KLF17: variants seen among roughly 807,000 people sequenced by gnomAD.
KLF17 encodes KLF transcription factor 17.
In KLF17, 31 loss-of-function variants were observed where a neutral mutation model predicts 34.2. The ratio of observed to expected loss-of-function variants is 0.91; its 90% CI spans 0.68 to 1.22. The LOEUF is 1.22. Ranked by LOEUF, KLF17 falls within the 50% of genes most tolerant of loss-of-function variation. The pLI is 0.00. For missense variants in KLF17, 478 were observed against 505.2 expected (o/e 0.95, Z 0.52); for synonymous variants, 179 against 186.7 (o/e 0.96, Z 0.34).
chr1:44,117,464 T>A (rs199923794), upstream of KLF17: 35 of 84,236 alleles, frequency 4.2e-4, no homozygotes, highest in Middle Eastern at 6.9e-3. Context: ...TATTTTATTT[T>A]ATTTATTTTA....
At chr1:44,066,389 CT>C in the KLF17 span, among the ~76,000 whole-genome samples, 1,784 of 128,040 alleles carry the variant, frequency 0.014, 13 homozygotes, top group Middle Eastern at 0.035. Context: ...TAATACTTTC[CT>C]TTTTTTTTTT....
the KLF17 span, among the ~76,000 whole-genome samples, chr1:44,097,781 G>A: frequency 6.6e-6 from 1 of 151,918 alleles, no homozygotes; most frequent in Non-Finnish European, 1.5e-5. Context: ...ATTGTGTTGA[G>A]GTATGTTCCT....
chr1:44,103,865 C>T, the KLF17 span: 3 of 786,412 alleles, frequency 3.8e-6, no homozygotes, highest in Non-Finnish European at 6.8e-6. Flanking sequence ...AGGTCTCAGT[C>T]TTTGTATGCT....
At chr1:44,096,608 G>A in the KLF17 span, among the ~76,000 whole-genome samples, 1 of 151,736 alleles carries the variant, frequency 6.6e-6, no homozygotes, top group Non-Finnish European at 1.5e-5. Flanking sequence ...CACCGTGTTA[G>A]CCAGGAATGT....
the KLF17 span, among the ~76,000 whole-genome samples, chr1:44,100,170 A>G: frequency 2.0e-5 from 3 of 150,660 alleles, no homozygotes; most frequent in Non-Finnish European, 4.4e-5. Flanking sequence ...CAGGAGGCTG[A>G]GGCAGGGAAC....
chr1:44,119,416 A>AC (rs1236372559), intron 1 of KLF17, among the ~76,000 whole-genome samples: 13 of 151,500 alleles, frequency 8.6e-5, no homozygotes, highest in Admixed American at 3.9e-4. Context: ...AAAAAAAAAA[A>AC]AACCCCAAAA....
intron 2 of KLF17, 68 bp downstream of exon 2, chr1:44,130,264 G>A: frequency 6.5e-7 from 1 of 1,540,938 alleles, no homozygotes; most frequent in Non-Finnish European, 8.7e-7. Flanking sequence ...CTGGGCCACT[G>A]GTGGGTAATT....
the KLF17 span, among the ~76,000 whole-genome samples, chr1:44,083,281 G>T: frequency 1.4e-5 from 2 of 143,402 alleles, no homozygotes; most frequent in Non-Finnish European, 3.1e-5. Flanking sequence ...ATTGAGTAGG[G>T]TTTTTTTTTT....
chr1:44,130,626 A>G lies in KLF17; in HGVS notation c.1040A>G (p.Gln347Arg), dbSNP rs1420285745. ...AGATATCGACCATATAAATGTGATCAGTGCAGCCGGGAGTTCATGAGGTCT... is the reference window on the plus strand; with the variant it reads ...AGATATCGACCATATAAATGTGATCGGTGCAGCCGGGAGTTCATGAGGTCT... ...HTRYRPYKCDQCSREFMRSDH... is the reference protein window; with the variant it reads ...HTRYRPYKCDRCSREFMRSDH... The change falls in exon 3 of 4, where the codon CAG becomes CGG. Residue 347 changes from glutamine (Q) to arginine (R), a missense_variant. Physicochemically the swap from Gln to Arg is conservative, Grantham distance 43. Transcript: ENST00000372299. 1 of 1,614,122 alleles carries G rather than the reference A, an allele frequency of 6.2e-7. No homozygotes were observed. Among genetic ancestry groups the G allele is most frequent in the South Asian group, 1.1e-5 (1 of 91,074 alleles).
At chr1:44,070,310 A>T in the KLF17 span, among the ~76,000 whole-genome samples, 1 of 152,052 alleles carries the variant, frequency 6.6e-6, no homozygotes, top group Non-Finnish European at 1.5e-5. Flanking sequence ...ACATACATTG[A>T]ACCCATTAAG....
chr1:44,104,147 C>T, the KLF17 span: 1 of 1,054,390 alleles, frequency 9.5e-7, no homozygotes, highest in Non-Finnish European at 1.5e-6. Context: ...CAGACTCCAG[C>T]TCTAACTTGT....
At chr1:44,077,032 G>A in the KLF17 span, among the ~76,000 whole-genome samples, 1 of 147,356 alleles carries the variant, frequency 6.8e-6, no homozygotes, top group Non-Finnish European at 1.5e-5. Context: ...ACTGCACCCA[G>A]CCTTTTTCTT....
intron 1 of KLF17, chr1:44,122,191 G>T: frequency 6.3e-7 from 1 of 1,598,118 alleles, no homozygotes. Flanking sequence ...CCACGGCCAC[G>T]TCCTCTTCCT....
At chr1:44,054,478 CTT>C in the KLF17 span, among the ~76,000 whole-genome samples, 140 of 100,204 alleles carry the variant, frequency 1.4e-3, no homozygotes, top group Non-Finnish European at 2.2e-3. Context: ...ATCAGTGTGC[CTT>C]TTTTTTTTTT....
upstream of KLF17, among the ~76,000 whole-genome samples, chr1:44,116,330 A>C (rs2087879392): frequency 6.6e-6 from 1 of 152,146 alleles, no homozygotes; most frequent in Non-Finnish European, 1.5e-5. Context: ...GTTATGATAG[A>C]GCAAATGTCC....
chr1:44,130,226 G>A, intron 2 of KLF17, 30 bp downstream of exon 2: 1 of 1,581,392 alleles, frequency 6.3e-7, no homozygotes, highest in Non-Finnish European at 8.6e-7. Context: ...GGGTGGGGAT[G>A]GAGGAGTCTC....
At chr1:44,127,705 T>TTTCTTTC (rs2088040147) in intron 1 of KLF17, among the ~76,000 whole-genome samples, 2 of 129,584 alleles carry the variant, frequency 1.5e-5, no homozygotes, top group African/African-American at 7.7e-5. Flanking sequence ...TCTTTCTTTC[T>TTTCTTTC]TTCTTTCTTC....
the KLF17 span, among the ~76,000 whole-genome samples, chr1:44,108,058 A>C: frequency 6.6e-6 from 1 of 152,224 alleles, no homozygotes; most frequent in African/African-American, 2.4e-5. Context: ...AGTTGAAGGC[A>C]GTGACTGGAG....
chr1:44,094,022 AT>A, the KLF17 span, among the ~76,000 whole-genome samples: 1 of 152,056 alleles, frequency 6.6e-6, no homozygotes, highest in Non-Finnish European at 1.5e-5. Flanking sequence ...TTAGATGTGG[AT>A]TTTTTTTGAT....
Sources: allele counts gnomAD v4.1 joint callset (sites outside exome capture counted in the v4.1 genomes callset), GRCh38; gene constraint gnomAD v4.1.1; transcripts MANE v1.5; gene names NCBI Gene and HGNC (gene_info 2026-07-23, HGNC 2026-07-21).